The following CAPN11 variants were observed in gnomAD, a reference collection of about 807,000 sequenced individuals.
CAPN11 encodes the protein calpain-11.
CAPN11 carries 108 observed loss-of-function variants against 105.3 expected under a neutral mutation model. That is an observed-to-expected ratio of 1.03 (90% CI 0.88 to 1.20). The LOEUF (loss-of-function observed/expected upper bound fraction) is 1.20. Among genes scored for constraint, CAPN11 ranks in the 50% most tolerant of loss-of-function variants. The probability of loss-of-function intolerance (pLI) is 0.00; values close to 1 mark genes in which losing one functional copy is unlikely to be tolerated. For synonymous variants in CAPN11, 329 were observed against 344.5 expected (o/e 0.96, Z 0.50); for missense variants, 883 against 924.8 (o/e 0.95, Z 0.59).
At chr6:44,174,515 C>CAAAAAAAAAA (rs66536720) in intron 7 of CAPN11, among the ~76,000 whole-genome samples, 1 of 77,308 alleles carries the variant, frequency 1.3e-5, no homozygotes, top group Non-Finnish European at 2.4e-5. Context: ...TCATCTCTAC[C>CAAAAAAAAAA]AAAAAAAAAA....
chr6:44,177,491 T>TA, intron 12 of CAPN11, 71 bp downstream of exon 12: 1 of 1,391,998 alleles, frequency 7.2e-7, no homozygotes, highest in Non-Finnish European at 9.7e-7. Context: ...TTTCTTTCTT[T>TA]CTTTTTTTTT....
At chr6:44,171,634 C>A (rs1422521463) in intron 4 of CAPN11, among the ~76,000 whole-genome samples, 2 of 152,046 alleles carry the variant, frequency 1.3e-5, no homozygotes, top group South Asian at 2.1e-4. Flanking sequence ...TCAAGACCAG[C>A]CTAGGCAGCA....
Position 44,183,798 on chromosome 6 carries a change from T to C in CAPN11, c.2193+35T>C, listed in dbSNP as rs182782049. ...GAAGGGTGGGAAGGAATCTGCAGGA[T>C]TGCACCTGCCTGCCCCTCAACCCCA... On this transcript the variant is annotated intron_variant, in intron 22 of 22. Transcript: ENST00000398776. 5.8e-4 allele frequency: 924 copies of C among 1,606,036 alleles called. 6 individuals carry two copies. The African/African-American group carries it at 0.011, about 19-fold the overall frequency.
rs1333360948 is a variant in CAPN11 at position 44,183,701 on chromosome 6, G to A, written c.2135-4G>A. ...CCCTCTCCCCCGCTTCCTCTGTAAC[G>A]CAGCATTCTTTCTAACCATGGACCC... On this transcript the variant is annotated splice_polypyrimidine_tract_variant and splice_region_variant and intron_variant, in intron 21 of 22. Transcript: ENST00000398776. The A allele has an allele frequency of 6.8e-6, 11 of 1,613,466 alleles. No homozygotes were observed. The highest frequency in any genetic ancestry group is 4.5e-5 in the East Asian group (2 of 44,890).
At chr6:44,182,644 G>A (rs979248286) in intron 19 of CAPN11, among the ~76,000 whole-genome samples, 16 of 152,156 alleles carry the variant, frequency 1.1e-4, no homozygotes, top group Non-Finnish European at 1.5e-5. Context: ...CCAGGCTGGA[G>A]TGCAGTGGTG....
At position 44,172,417 on chromosome 6, in the gene CAPN11, T is replaced by G. The variant is rs1280921792; in HGVS notation, c.525T>G (p.Phe175Leu). Reference protein sequence around the residue: ...FKKNYAGIFHFQIWQFGQWVN... With the variant: ...FKKNYAGIFHLQIWQFGQWVN... Reference sequence around the variant, plus strand: ...AAAACTATGCTGGCATCTTCCATTTTCAGGTGAAGGACAGTGTGAGAGCCA... The same window carrying G: ...AAAACTATGCTGGCATCTTCCATTTGCAGGTGAAGGACAGTGTGAGAGCCA... Residue 175 changes from phenylalanine (F) to leucine (L), a missense_variant, in exon 5 of 23, where the codon TTT becomes TTG. Coordinates refer to ENST00000398776, the MANE Select transcript of CAPN11 (RefSeq NM_007058.4). The G allele has an allele frequency of 6.5e-7, 1 of 1,543,976 alleles. No individual in the cohort carries two copies. The highest frequency in any genetic ancestry group is 2.0e-5 in the Admixed American group (1 of 51,128).
rs563669333 is a variant in CAPN11 at position 44,176,838 on chromosome 6, G to A, written c.1077G>A (p.Trp359Ter). 2.5e-6 allele frequency: 4 copies of A among 1,613,858 alleles called. No homozygotes were observed. The highest frequency in any genetic ancestry group is 1.7e-5 in the Admixed American group (1 of 60,010). Residue 359 changes from tryptophan to a stop codon, truncating the protein, a stop_gained and splice_region_variant, in exon 11 of 23, where the codon TGG (tryptophan) becomes TGA (stop). Coordinates refer to ENST00000398776, the MANE Select transcript of CAPN11 (RefSeq NM_007058.4). LOFTEE classifies it high-confidence loss of function. ...LLHKTEDGEF[W>*]MSYQDFLNNF... is the part of the protein sequence containing the mutation. Reference sequence around the variant, plus strand: ...GGGCTCCACCCCCACCCCACCACAGGATGTCCTACCAAGATTTCCTGAACA... The same window carrying A: ...GGGCTCCACCCCCACCCCACCACAGAATGTCCTACCAAGATTTCCTGAACA...
chr6:44,172,905 T>C, intron 5 of CAPN11, 35 bp from the exon 6 acceptor site: 1 of 1,605,488 alleles, frequency 6.2e-7, no homozygotes, highest in South Asian at 1.1e-5. Flanking sequence ...GATGATAGGG[T>C]TCCCACGCAA....
intron 18 of CAPN11, 106 bp downstream of exon 18, chr6:44,181,103 G>T: frequency 8.1e-7 from 1 of 1,235,650 alleles, no homozygotes; most frequent in Non-Finnish European, 1.2e-6. Context: ...TGGGGATTAG[G>T]CTCTGGGGTA....
chr6:44,159,257 A>G (rs957069583), intron 1 of CAPN11, among the ~76,000 whole-genome samples: 1 of 152,176 alleles, frequency 6.6e-6, no homozygotes, highest in Non-Finnish European at 1.5e-5. Flanking sequence ...AGAAAACTTT[A>G]GGGAACAGAG....
chr6:44,165,432 G>A (rs1440024508), intron 1 of CAPN11, among the ~76,000 whole-genome samples: 1 of 152,260 alleles, frequency 6.6e-6, no homozygotes, highest in African/African-American at 2.4e-5. Context: ...CTCCCTGTGA[G>A]GGGATGCTTG....
chr6:44,183,350 G>T, intron 21 of CAPN11, 115 bp downstream of exon 21: 1 of 711,802 alleles, frequency 1.4e-6, no homozygotes. Flanking sequence ...AGGCACACAT[G>T]AAATGGATTC....
chr6:44,180,910 T>C, intron 17 of CAPN11, 23 bp from the exon 18 acceptor site: 1 of 1,612,974 alleles, frequency 6.2e-7, no homozygotes, highest in Non-Finnish European at 8.5e-7. Flanking sequence ...GTCTCTCCTT[T>C]CTACCCCTTC....
intron 1 of CAPN11, among the ~76,000 whole-genome samples, chr6:44,161,617 G>A (rs1023425565): frequency 5.9e-5 from 9 of 152,184 alleles, no homozygotes; most frequent in Non-Finnish European, 1.2e-4. Context: ...TTCGAAGCAG[G>A]GTTTGGGGGC....
chr6:44,161,624 G>A (rs1308253170), intron 1 of CAPN11, among the ~76,000 whole-genome samples: 2 of 152,148 alleles, frequency 1.3e-5, no homozygotes, highest in Non-Finnish European at 2.9e-5. Context: ...CAGGGTTTGG[G>A]GGCCAGACAG....
At chr6:44,174,529 A>G (rs1266273432) in intron 7 of CAPN11, among the ~76,000 whole-genome samples, 2 of 151,412 alleles carry the variant, frequency 1.3e-5, no homozygotes, top group African/African-American at 2.4e-5. Context: ...AAAAAAAAAA[A>G]AAAAGAAATT....
In CAPN11 at chr6:44,183,889, G is replaced by A. The variant is rs753753245; in HGVS notation, c.2194-17G>A. 6 of 1,560,824 alleles carry A rather than the reference G, an allele frequency of 3.8e-6. No individual in the cohort carries two copies. Among genetic ancestry groups the A allele is most frequent in the Non-Finnish European group, 5.2e-6 (6 of 1,152,146 alleles). ...CCCGTCTCTTCCCACCCTGGGATCT[G>A]CTTCCTGTCTCCACAGTGGCTGCAG... On this transcript the variant is annotated splice_polypyrimidine_tract_variant and intron_variant, in intron 22 of 22. Transcript: ENST00000398776.
rs765871453 is a variant in CAPN11, at chr6:44,173,358, G to T, written c.803G>T (p.Arg268Leu). The T allele has an allele frequency of 1.2e-6, 2 of 1,612,534 alleles. No individual in the cohort carries two copies. Among genetic ancestry groups the T allele is most frequent in the Non-Finnish European group, 1.7e-6 (2 of 1,179,216 alleles). ...LLRLLRKAVE[R>L]SSLMGCSIEV... ...AGGCTCCTTAGGAAGGCCGTGGAGC[G>T]ATCCTCCCTCATGGGTTGCTCCATT... The change falls in exon 7 of 23, where the codon CGA becomes CTA. Residue 268 changes from arginine (R) to leucine (L), a missense_variant. Transcript: ENST00000398776.
chr6:44,178,750 TA>T (rs35225903), intron 12 of CAPN11, among the ~76,000 whole-genome samples: 2,318 of 116,006 alleles, frequency 0.02, 65 homozygotes, highest in Admixed American at 0.053. Flanking sequence ...CTGTCTCGAT[TA>T]AAAAAAAAAA....
Sources: gnomAD v4.1 joint callset for allele counts (sites outside exome capture counted in the v4.1 genomes callset) on GRCh38, gnomAD v4.1.1 for gene constraint, MANE v1.5 for transcripts, NCBI Gene and HGNC (gene_info 2026-07-23, HGNC 2026-07-21) for gene names.